SNX29: variants seen among roughly 807,000 people sequenced by gnomAD.
SNX29 encodes the protein sorting nexin-29.
Under a neutral mutation model 102.1 loss-of-function variants are expected in SNX29, and 78 were observed. The observed-to-expected ratio is 0.76, with a 90% CI of 0.64 to 0.92. The LOEUF is 0.92. SNX29 is among the 40% of genes least tolerant of loss of function. The pLI, the probability that SNX29 is intolerant of heterozygous loss-of-function variation, is 0.00. For missense variants in SNX29, 1,280 were observed against 1,061.7 expected (o/e 1.21, Z -2.86); for synonymous variants, 580 against 414.5 (o/e 1.40, Z -4.85).
chr16:12,540,485 C>A (rs761046010), intron 20 of SNX29, among the ~76,000 whole-genome samples: 30 of 152,234 alleles, frequency 2.0e-4, no homozygotes, highest in Admixed American at 1.7e-3. Flanking sequence ...GTCAAGGTGT[C>A]GGCAGGGCTG....
rs189934671 is a variant in SNX29 at position 11,986,675 on chromosome 16, T to C, written c.7+9862T>C. The stretch of plus-strand genomic sequence containing the variant: ...CGCAGCTATTTAACCTCTCTCCCAT[T>C]GCAAAAGACAGTCAATTCCATTTAT... On this transcript the variant is annotated intron_variant, in intron 1 of 20. Transcript: ENST00000566228. 3.7e-4 allele frequency among the ~76,000 whole-genome samples: 57 copies of C among 152,306 alleles called. 1 individual carries two copies. Among genetic ancestry groups the C allele is most frequent in the Admixed American group, 2.7e-3 (42 of 15,288 alleles).
intron 1 of SNX29, among the ~76,000 whole-genome samples, chr16:11,992,949 G>C (rs1313607210): frequency 6.6e-6 from 1 of 151,950 alleles, no homozygotes; most frequent in Non-Finnish European, 1.5e-5. Context: ...ATCACCTGAG[G>C]TCAGGAGTTC....
chr16:12,333,496 T>A (rs189921799), intron 15 of SNX29, among the ~76,000 whole-genome samples: 16 of 152,286 alleles, frequency 1.1e-4, no homozygotes, highest in Admixed American at 1.0e-3. Context: ...TTAAGTAATT[T>A]GATCAATTAC....
chr16:12,119,612 G>A (rs2053888083), intron 11 of SNX29, among the ~76,000 whole-genome samples: 1 of 152,248 alleles, frequency 6.6e-6, no homozygotes, highest in Admixed American at 6.5e-5. Flanking sequence ...AAAGAGGACA[G>A]AGAAAGACTG....
intron 20 of SNX29, among the ~76,000 whole-genome samples, chr16:12,562,518 T>G (rs371753832): frequency 6.6e-6 from 1 of 152,182 alleles, no homozygotes; most frequent in African/African-American, 2.4e-5. Flanking sequence ...CAAGTACACC[T>G]GCTGGTGAAT....
rs1597233281 is a variant in SNX29, at chr16:12,398,558, G to C, written c.1955+57G>C. 2.5e-6 allele frequency: 4 copies of C among 1,589,592 alleles called. No homozygotes were observed. The East Asian group carries it at 8.9e-5, about 36-fold the overall frequency. On this transcript the variant is annotated intron_variant, in intron 17 of 20. Coordinates refer to ENST00000566228, the MANE Select transcript of SNX29 (RefSeq NM_032167.5). The stretch of plus-strand genomic sequence containing the variant: ...CTTTAGAAACTGGACTCTGTTGTTG[G>C]CTTCTGTCCCAGAAGACCACAGGGG...
rs558569570 is a variant in SNX29 at position 12,028,726 on chromosome 16, T to C, written c.247+1282T>C. On this transcript the variant is annotated intron_variant, in intron 4 of 20. Transcript: ENST00000566228. ...TTATTTTATTGGTACATAATATTTG[T>C]ACATATGTATGGGGTACCTGTGATT... 3.3e-5 allele frequency among the ~76,000 whole-genome samples: 5 copies of C among 152,216 alleles called. No homozygotes were observed. In the East Asian group the frequency reaches 9.7e-4, roughly 29 times the overall value.
At chr16:12,563,205 G>C (rs913263528) in intron 20 of SNX29, among the ~76,000 whole-genome samples, 1 of 41,138 alleles carries the variant, frequency 2.4e-5, no homozygotes, top group Non-Finnish European at 4.9e-5. Flanking sequence ...AACATGCTGG[G>C]ATTGAGGCTC....
At chr16:12,074,952 C>T (rs183744204) in intron 10 of SNX29, among the ~76,000 whole-genome samples, 202 of 152,286 alleles carry the variant, frequency 1.3e-3, no homozygotes, top group African/African-American at 4.6e-3. Context: ...TCCAGTTGAT[C>T]GCATCGGCTC....
chr16:12,540,836 A>G (rs780132744), intron 20 of SNX29, among the ~76,000 whole-genome samples: 3 of 152,138 alleles, frequency 2.0e-5, no homozygotes, highest in Non-Finnish European at 4.4e-5. Flanking sequence ...AAGAAACAAG[A>G]TCGCCTCCAC....
At chr16:12,536,147 T>G (rs1349915638) in intron 20 of SNX29, among the ~76,000 whole-genome samples, 1 of 152,156 alleles carries the variant, frequency 6.6e-6, no homozygotes, top group African/African-American at 2.4e-5. Flanking sequence ...CACTCGCCTG[T>G]GAGCGCAGAA....
intron 14 of SNX29, among the ~76,000 whole-genome samples, chr16:12,256,653 C>T (rs1429850986): frequency 6.6e-6 from 1 of 152,158 alleles, no homozygotes; most frequent in Admixed American, 6.5e-5. Flanking sequence ...TGAAGAGAGA[C>T]AATCAGCATT....
At chr16:12,388,991 T>G (rs746351389) in intron 16 of SNX29, among the ~76,000 whole-genome samples, 11 of 152,214 alleles carry the variant, frequency 7.2e-5, no homozygotes, top group Non-Finnish European at 1.3e-4. Context: ...TCCTCAGACC[T>G]GCCGCTTAAA....
At chr16:12,062,669 G>C (rs1012936473) in intron 9 of SNX29, among the ~76,000 whole-genome samples, 2 of 152,074 alleles carry the variant, frequency 1.3e-5, no homozygotes, top group Admixed American at 6.6e-5. Context: ...GCGCCTCCTC[G>C]TTTTCTTAGG....
intron 20 of SNX29, among the ~76,000 whole-genome samples, chr16:12,539,277 CACCCTCCCCCACCTCTAAGCCCTTG>C (rs2077216949): frequency 6.6e-6 from 1 of 152,150 alleles, no homozygotes; most frequent in Non-Finnish European, 1.5e-5. Flanking sequence ...TTTCTAGCTG[CACCCTCCCCCACCTCTAAGCCCTTG>C]TCCCTCCCCC....
chr16:12,182,746 A>G (rs1346660818), intron 13 of SNX29, among the ~76,000 whole-genome samples: 1 of 151,978 alleles, frequency 6.6e-6, no homozygotes, highest in Non-Finnish European at 1.5e-5. Context: ...CCTGACCAAC[A>G]TGGTGAAACC....
At chr16:12,547,678 A>T (rs771608194) in intron 20 of SNX29, among the ~76,000 whole-genome samples, 2 of 151,968 alleles carry the variant, frequency 1.3e-5, no homozygotes, top group Admixed American at 6.6e-5. Context: ...CCTGTAATAA[A>T]ACCTGGCCCC....
At chr16:12,443,045 G>A (rs1389254722) in intron 18 of SNX29, 1 of 455,902 alleles carries the variant, frequency 2.2e-6, no homozygotes, top group African/African-American at 2.0e-5. Context: ...TATGAAAACA[G>A]CCAGCAGGCC....
chr16:12,440,489 C>T (rs538888860), intron 18 of SNX29, among the ~76,000 whole-genome samples: 7 of 152,194 alleles, frequency 4.6e-5, no homozygotes, highest in Non-Finnish European at 7.4e-5. Context: ...AGGTTTGTTA[C>T]GTAGGTGAAC....
Sources: gnomAD v4.1 joint callset for allele counts (sites outside exome capture counted in the v4.1 genomes callset) on GRCh38, gnomAD v4.1.1 for gene constraint, MANE v1.5 for transcripts, NCBI Gene and HGNC (gene_info 2026-07-23, HGNC 2026-07-21) for gene names.